The following CAMK1D variants were observed in gnomAD, a reference collection of about 807,000 sequenced individuals.
The protein encoded by CAMK1D is calcium/calmodulin-dependent protein kinase type 1D.
In CAMK1D, 9 loss-of-function variants were observed where a neutral mutation model predicts 47.7. That is an observed-to-expected ratio of 0.19 (90% confidence interval 0.11 to 0.33). The LOEUF (loss-of-function observed/expected upper bound fraction) is 0.33, where lower values mean the gene tolerates loss of function less well. CAMK1D is among the 10% of genes least tolerant of loss of function. CAMK1D has a pLI of 1.00. For missense variants in CAMK1D, 291 were observed against 488.7 expected, an observed-to-expected ratio of 0.60 and a Z score of 3.81; for synonymous variants, 184 against 184.9, an observed-to-expected ratio of 0.99 and a Z score of 0.04.
chr10:12,368,085 G>A (rs553740440), intron 1 of CAMK1D, among the ~76,000 whole-genome samples: 2,433 of 152,220 alleles, frequency 0.016, 64 homozygotes, highest in African/African-American at 0.049. Context: ...CCAGCTACTC[G>A]GGAGGCTGAG....
chr10:12,510,651 C>G lies in CAMK1D; in HGVS notation c.93-42574C>G, dbSNP rs573211078. Among the ~76,000 whole-genome samples the G allele has an allele frequency of 2.4e-4, 37 of 152,322 alleles. No homozygotes were observed. In the East Asian group the frequency reaches 2.7e-3, roughly 11 times the overall value. The stretch of plus-strand genomic sequence containing the variant: ...GCTGCCAGTGCCACCTCCGGGACCC[C>G]CCTACGAATTCAGTGCTTCCCAAGA... On this transcript the variant is annotated intron_variant, in intron 1 of 10. Transcript: ENST00000619168.
At chr10:12,376,829 C>T (rs1456866685) in intron 1 of CAMK1D, among the ~76,000 whole-genome samples, 1 of 151,646 alleles carries the variant, frequency 6.6e-6, no homozygotes, top group East Asian at 1.9e-4. Flanking sequence ...TCTCGGCTCA[C>T]TGCAATCTCC....
intron 2 of CAMK1D, among the ~76,000 whole-genome samples, chr10:12,612,323 T>C (rs1588688879): frequency 1.3e-5 from 2 of 150,218 alleles, no homozygotes; most frequent in African/African-American, 4.9e-5. Context: ...CAAATTGGGC[T>C]TTAATTAATT....
intron 3 of CAMK1D, among the ~76,000 whole-genome samples, chr10:12,748,915 A>C (rs1333051261): frequency 6.6e-6 from 1 of 152,176 alleles, no homozygotes; most frequent in Non-Finnish European, 1.5e-5. Flanking sequence ...GCTTTGATGA[A>C]AACAGATGAA....
rs181982317 is a variant in CAMK1D at position 12,647,492 on chromosome 10, A to T, written c.225-19244A>T. 5.9e-5 allele frequency among the ~76,000 whole-genome samples: 9 copies of T among 152,276 alleles called. No homozygotes were observed. In the East Asian group the frequency reaches 1.7e-3, roughly 29 times the overall value. ...TTCAGAAACATATTACAGTTTCCTT[A>T]AAATTTTTCTGTATACCAATGCTTT... On this transcript the variant is annotated intron_variant, in intron 2 of 10. Coordinates refer to ENST00000619168, the MANE Select transcript of CAMK1D (RefSeq NM_153498.4).
chr10:12,578,485 G>T (rs865992076), intron 2 of CAMK1D, among the ~76,000 whole-genome samples: 1 of 147,106 alleles, frequency 6.8e-6, no homozygotes, highest in Non-Finnish European at 1.5e-5. Context: ...CAGGAGAATC[G>T]CTTGAACCCG....
chr10:12,545,477 G>T (rs1836335353), intron 1 of CAMK1D, among the ~76,000 whole-genome samples: 3 of 139,092 alleles, frequency 2.2e-5, no homozygotes. Context: ...AAAAAAAAAA[G>T]GAGGAAATAT....
At chr10:12,687,741 C>G (rs78565701) in intron 3 of CAMK1D, among the ~76,000 whole-genome samples, 8 of 152,120 alleles carry the variant, frequency 5.3e-5, no homozygotes, top group Non-Finnish European at 1.2e-4. Flanking sequence ...ATTCCGGAGA[C>G]AAATCAAAAA....
At chr10:12,765,312 A>G (rs2482054) in intron 4 of CAMK1D, among the ~76,000 whole-genome samples, 145,966 of 152,212 alleles carry the variant, frequency 0.96, 70,283 homozygotes, top group East Asian at 1. Flanking sequence ...ATTCAAGACC[A>G]TTGCAATGCC....
chr10:12,654,946 C>T (rs1452678504), intron 2 of CAMK1D, among the ~76,000 whole-genome samples: 2 of 152,148 alleles, frequency 1.3e-5, no homozygotes, highest in East Asian at 1.9e-4. Flanking sequence ...TAGGCCACGC[C>T]GCAGGCCAAT....
intron 1 of CAMK1D, among the ~76,000 whole-genome samples, chr10:12,363,893 T>C (rs944586006): frequency 1.3e-5 from 2 of 152,118 alleles, no homozygotes; most frequent in African/African-American, 4.8e-5. Context: ...TCTTGGCTGT[T>C]GTGAATTGTA....
chr10:12,828,859 T>C lies in CAMK1D; in HGVS notation c.1130T>C (p.Val377Ala). 6.2e-7 allele frequency: 1 copy of C among 1,613,196 alleles called. No individual in the cohort carries two copies. The highest frequency in any genetic ancestry group is 1.1e-5 in the South Asian group (1 of 91,002). The change falls in exon 11 of 11, where the codon GTG (valine) becomes GCG (alanine). Residue 377 changes from valine to alanine, a missense_variant. Coordinates refer to ENST00000619168, the MANE Select transcript of CAMK1D (RefSeq NM_153498.4). ...GAERRPRPTT[V>A]TAVHSGSK is the part of the protein sequence containing the mutation. ...GAGCGGAGACCCAGGCCCACCACTG[T>C]GACGGCAGTGCACTCTGGAAGCAAG...
intron 3 of CAMK1D, among the ~76,000 whole-genome samples, chr10:12,701,739 G>A (rs1287127010): frequency 6.6e-6 from 1 of 152,198 alleles, no homozygotes; most frequent in Non-Finnish European, 1.5e-5. Context: ...TTTGCTTCTA[G>A]AAAGGAAATC....
intron 1 of CAMK1D, among the ~76,000 whole-genome samples, chr10:12,526,785 G>A (rs1053672673): frequency 3.3e-5 from 5 of 151,820 alleles, no homozygotes; most frequent in African/African-American, 9.7e-5. Context: ...GGGTGTGGTG[G>A]TGCACGCCTG....
intron 3 of CAMK1D, among the ~76,000 whole-genome samples, chr10:12,709,423 A>G (rs952302138): frequency 6.6e-6 from 1 of 152,088 alleles, no homozygotes; most frequent in Admixed American, 6.6e-5. Context: ...AATGGAAAGG[A>G]CTTTGCAATG....
chr10:12,718,084 CTT>C (rs929715704), intron 3 of CAMK1D, among the ~76,000 whole-genome samples: 1 of 152,032 alleles, frequency 6.6e-6, no homozygotes, highest in African/African-American at 2.4e-5. Flanking sequence ...AGGAGCTTCT[CTT>C]CTACCATTCT....
intron 3 of CAMK1D, among the ~76,000 whole-genome samples, chr10:12,757,772 T>G (rs1836297688): frequency 1.3e-5 from 2 of 152,066 alleles, no homozygotes; most frequent in Non-Finnish European, 1.5e-5. Flanking sequence ...TGCCTTCTCC[T>G]TGTGTCCTCA....
At chr10:12,777,774 G>T (rs539189551) in intron 5 of CAMK1D, among the ~76,000 whole-genome samples, 1 of 152,212 alleles carries the variant, frequency 6.6e-6, no homozygotes, top group African/African-American at 2.4e-5. Flanking sequence ...GATGTCCACC[G>T]TGGGGCTCGC....
intron 1 of CAMK1D, among the ~76,000 whole-genome samples, chr10:12,381,342 CTTTTTTT>C (rs35503338): frequency 4.5e-5 from 6 of 134,666 alleles, no homozygotes; most frequent in African/African-American, 1.7e-4. Flanking sequence ...ATAATGCTTT[CTTTTTTT>C]TTTTTTTTTT....
Sources: allele counts gnomAD v4.1 joint callset (sites outside exome capture counted in the v4.1 genomes callset), GRCh38; gene constraint gnomAD v4.1.1; transcripts MANE v1.5; gene names NCBI Gene and HGNC (gene_info 2026-07-23, HGNC 2026-07-21).